The following GCNT1 variants were observed in gnomAD, a reference collection of about 807,000 sequenced individuals.
The protein encoded by GCNT1 is glucosaminyl (N-acetyl) transferase 1.
In GCNT1, 16 loss-of-function variants were observed where a neutral mutation model predicts 26.2. That is an observed-to-expected ratio of 0.61 (90% confidence interval 0.41 to 0.93). The LOEUF (loss-of-function observed/expected upper bound fraction) is 0.93. GCNT1 is among the 40% of genes least tolerant of loss of function. The probability of loss-of-function intolerance (pLI) is 0.00; values close to 1 mark genes in which losing one functional copy is unlikely to be tolerated. For synonymous variants in GCNT1, 183 were observed against 190.8 expected (o/e 0.96, Z 0.34); for missense variants, 477 against 526.7 (o/e 0.91, Z 0.92).
chr9:76,411,721 T>TTTTTTTA, the GCNT1 span, among the ~76,000 whole-genome samples: 1 of 123,294 alleles, frequency 8.1e-6, no homozygotes, highest in African/African-American at 2.9e-5. Context: ...TTTTTTTTTT[T>TTTTTTTA]AACAGAGTCT....
chr9:76,491,379 TA>T (rs1300925574), intron 2 of GCNT1, among the ~76,000 whole-genome samples: 2 of 152,252 alleles, frequency 1.3e-5, no homozygotes, highest in Non-Finnish European at 2.9e-5. Context: ...CTGCATGCAA[TA>T]ACTCCATGAT....
chr9:76,450,699 C>T (rs994282342), intron 1 of GCNT1, among the ~76,000 whole-genome samples: 13 of 152,264 alleles, frequency 8.5e-5, no homozygotes, highest in Admixed American at 1.3e-4. Flanking sequence ...AGTGAAGTAT[C>T]TTATCATGCC....
At chr9:76,470,012 T>A (rs898389059) in intron 2 of GCNT1, among the ~76,000 whole-genome samples, 3 of 152,154 alleles carry the variant, frequency 2.0e-5, no homozygotes, top group Admixed American at 2.0e-4. Flanking sequence ...ATAGAATTTT[T>A]AAATAAACAT....
At chr9:76,398,532 C>T in the GCNT1 span, among the ~76,000 whole-genome samples, 2 of 152,194 alleles carry the variant, frequency 1.3e-5, no homozygotes, top group Admixed American at 1.3e-4. Context: ...ACTAAACGTA[C>T]TTTTACTATG....
intron 2 of GCNT1, among the ~76,000 whole-genome samples, chr9:76,469,606 T>C (rs1159102800): frequency 4.6e-5 from 7 of 152,346 alleles, no homozygotes; most frequent in Admixed American, 3.3e-4. Context: ...TTTTGCTTAT[T>C]GTCCACCATT....
At chr9:76,501,235 G>A (rs1463791594) in intron 3 of GCNT1, among the ~76,000 whole-genome samples, 174 bp downstream of exon 3, 1 of 152,076 alleles carries the variant, frequency 6.6e-6, no homozygotes, top group Non-Finnish European at 1.5e-5. Flanking sequence ...GATTTATAAC[G>A]GTCAAATTGG....
chr9:76,482,474 A>AG (rs555872688), intron 2 of GCNT1, among the ~76,000 whole-genome samples: 1,729 of 150,370 alleles, frequency 0.011, 25 homozygotes, highest in South Asian at 0.034. Flanking sequence ...ACAAAAAAAA[A>AG]TTAGCCGGGC....
intron 1 of GCNT1, among the ~76,000 whole-genome samples, chr9:76,423,751 A>C (rs1823228973): frequency 6.6e-6 from 1 of 152,240 alleles, no homozygotes; most frequent in African/African-American, 2.4e-5. Context: ...ATAAGCTATG[A>C]CATAGTTTGA....
Position 76,503,809 on chromosome 9 carries a change from G to A in GCNT1, c.*141G>A. ...TCTAGTAGATCTTCTTGTCAGAGAA[G>A]CTGCATGGTTTCTGCAGAGCACAGT... On this transcript the variant is annotated 3_prime_UTR_variant, in exon 4 of 4. Coordinates refer to ENST00000376730, the MANE Select transcript of GCNT1 (RefSeq NM_001490.5). 1.5e-6 allele frequency: 1 copy of A among 682,084 alleles called. No homozygotes were observed. The allele number at this position is 682,084 out of a possible 1,614,324, so 42.3% of individuals were successfully genotyped here.
the GCNT1 span, chr9:76,394,253 G>T: frequency 7.1e-7 from 1 of 1,410,480 alleles, no homozygotes; most frequent in Non-Finnish European, 9.6e-7. Flanking sequence ...CCAGACCCCG[G>T]ACCAGCCGGG....
rs1825187233 is a variant in GCNT1, at chr9:76,504,632, T to C, written c.*964T>C. ...AGGAATGTATTTAAACAATTTCCGA[T>C]GCCCATGATGAGTTTAAAAACCAGC... is the stretch of plus-strand genomic sequence containing the variant. On this transcript the variant is annotated 3_prime_UTR_variant, in exon 4 of 4. Coordinates refer to ENST00000376730, the MANE Select transcript of GCNT1 (RefSeq NM_001490.5). The C allele has an allele frequency of 7.3e-6, 3 of 412,304 alleles. No individual in the cohort carries two copies. The highest frequency in any genetic ancestry group is 4.4e-5 in the Admixed American group (1 of 22,726). 25.5% of individuals were successfully genotyped at this position (412,304 alleles called of 1,614,324 possible).
upstream of GCNT1, among the ~76,000 whole-genome samples, chr9:76,440,983 T>G (rs1006503532): frequency 2.0e-5 from 3 of 148,962 alleles, no homozygotes; most frequent in Admixed American, 1.4e-4. Context: ...AAAAATTGCT[T>G]GAACCCGGGA....
At chr9:76,491,934 CCAGA>C (rs1183853308) in intron 2 of GCNT1, among the ~76,000 whole-genome samples, 1 of 152,178 alleles carries the variant, frequency 6.6e-6, no homozygotes, top group African/African-American at 2.4e-5. Flanking sequence ...CATGAGTAGT[CCAGA>C]CAGTGAGATC....
chr9:76,421,390 A>G (rs570806033), intron 1 of GCNT1, among the ~76,000 whole-genome samples: 1 of 152,134 alleles, frequency 6.6e-6, no homozygotes, highest in African/African-American at 2.4e-5. Context: ...ACACGAGGTC[A>G]GGAGTTTAAG....
intron 2 of GCNT1, among the ~76,000 whole-genome samples, chr9:76,470,683 G>A (rs1456240892): frequency 6.6e-6 from 1 of 150,808 alleles, no homozygotes. Flanking sequence ...CTTGAAATGT[G>A]TACATTTTAT....
At position 76,503,240 on chromosome 9, in the gene GCNT1, G is replaced by A. The variant is rs1173616083; in HGVS notation, c.859G>A (p.Ala287Thr). 5.6e-6 allele frequency: 9 copies of A among 1,614,034 alleles called. No individual in the cohort carries two copies. Among genetic ancestry groups the A allele is most frequent in the Non-Finnish European group, 6.8e-6 (8 of 1,180,016 alleles). ...PLETPLFSGS[A>T]YFVVSREYVG... is the part of the protein sequence containing the mutation. ...CGAAACACCTCTCTTTTCTGGCAGT[G>A]CCTACTTCGTGGTCAGTAGGGAGTA... Residue 287 changes from alanine (A) to threonine (T), a missense_variant, in exon 4 of 4, where the codon GCC becomes ACC. Physicochemically the swap from Ala to Thr is moderately conservative, Grantham distance 58. Transcript: ENST00000376730.
intron 1 of GCNT1, among the ~76,000 whole-genome samples, chr9:76,431,619 T>G (rs1443306902): frequency 6.6e-6 from 1 of 152,162 alleles, no homozygotes; most frequent in Non-Finnish European, 1.5e-5. Flanking sequence ...TAGGCATGAT[T>G]GATTTAATCA....
rs148877615 is a variant in GCNT1, at chr9:76,450,774, T to G, written c.-290+8459T>G. Among the ~76,000 whole-genome samples the G allele has an allele frequency of 2.6e-5, 4 of 152,356 alleles. No homozygotes were observed. In the East Asian group the frequency reaches 7.7e-4, roughly 29 times the overall value. On this transcript the variant is annotated intron_variant, in intron 1 of 2. Transcript: ENST00000442371. ...CACCCCTTTATTTGAAAAATTAATT[T>G]TTGCTTACATACTATTGCATATATT...
upstream of GCNT1, among the ~76,000 whole-genome samples, chr9:76,437,388 G>A (rs1420762300): frequency 2.0e-5 from 3 of 152,108 alleles, no homozygotes; most frequent in Non-Finnish European, 4.4e-5. Context: ...CAATGAGAGC[G>A]ACCTCTGATT....
Sources: gnomAD v4.1 joint callset for allele counts (sites outside exome capture counted in the v4.1 genomes callset) on GRCh38, gnomAD v4.1.1 for gene constraint, MANE v1.5 for transcripts, NCBI Gene and HGNC (gene_info 2026-07-23, HGNC 2026-07-21) for gene names.